The following ASS1 variants were observed in gnomAD, a reference collection of about 807,000 sequenced individuals.
ASS1 encodes the protein argininosuccinate synthase.
Under a neutral mutation model 60.5 loss-of-function variants are expected in ASS1, and 58 were observed. The ratio of observed to expected loss-of-function variants is 0.96; its 90% CI spans 0.78 to 1.19. The LOEUF (loss-of-function observed/expected upper bound fraction) is 1.19. Ranked by LOEUF, ASS1 falls within the 50% of genes most tolerant of loss-of-function variation. The probability of loss-of-function intolerance (pLI) is 0.00; values close to 1 mark genes in which losing one functional copy is unlikely to be tolerated. For synonymous variants in ASS1, 200 were observed against 206.9 expected (o/e 0.97, Z 0.29); for missense variants, 454 against 547.3 (o/e 0.83, Z 1.70).
intron 11 of ASS1, among the ~76,000 whole-genome samples, chr9:130,485,022 A>G (rs1322076220): frequency 1.3e-5 from 2 of 152,114 alleles, no homozygotes; most frequent in Non-Finnish European, 2.9e-5. Flanking sequence ...CTGGGGGCTC[A>G]GGAAGAGGAG....
chr9:130,473,846 T>A (rs1297593225), intron 8 of ASS1, among the ~76,000 whole-genome samples: 2 of 152,154 alleles, frequency 1.3e-5, no homozygotes, highest in African/African-American at 4.8e-5. Flanking sequence ...CGGTCCACAG[T>A]GAAAGAGTTC....
intron 6 of ASS1, among the ~76,000 whole-genome samples, chr9:130,469,677 G>A (rs942869329): frequency 6.6e-6 from 1 of 152,214 alleles, no homozygotes; most frequent in Non-Finnish European, 1.5e-5. Context: ...CTTGTAGGCT[G>A]TTTTAAAATG....
intron 8 of ASS1, among the ~76,000 whole-genome samples, chr9:130,472,762 A>G (rs1008415802): frequency 2.1e-4 from 32 of 152,312 alleles, no homozygotes; most frequent in African/African-American, 7.5e-4. Context: ...TTAGCCAGTC[A>G]GTCAGCTCCA....
At chr9:130,456,929 T>A (rs1215989) in intron 3 of ASS1, among the ~76,000 whole-genome samples, 144,626 of 150,532 alleles carry the variant, frequency 0.96, 69,665 homozygotes, top group East Asian at 1. Flanking sequence ...CTCAAAAAAA[T>A]AAAAATTACT....
intron 11 of ASS1, among the ~76,000 whole-genome samples, chr9:130,486,579 C>T (rs77415973): frequency 0.027 from 4,052 of 152,256 alleles, 70 homozygotes; most frequent in Middle Eastern, 0.054. Flanking sequence ...TGAGGAACTC[C>T]CGAGGGATTT....
intron 6 of ASS1, among the ~76,000 whole-genome samples, chr9:130,469,229 A>G (rs1415314868): frequency 6.6e-6 from 1 of 152,228 alleles, no homozygotes; most frequent in East Asian, 1.9e-4. Context: ...CCGGGTACCC[A>G]TGCCTGGCCA....
intron 11 of ASS1, among the ~76,000 whole-genome samples, chr9:130,482,485 T>C (rs1041463992): frequency 2.3e-4 from 35 of 151,424 alleles, no homozygotes; most frequent in Admixed American, 1.8e-3. Context: ...CACTACCAAA[T>C]GATCAGGATT....
chr9:130,452,055 C>G, intron 1 of ASS1, 169 bp from the exon 2 acceptor site: 1 of 704,324 alleles, frequency 1.4e-6, no homozygotes, highest in Non-Finnish European at 2.6e-6. Flanking sequence ...TCAGGGTTCC[C>G]GGGGGTGGCA....
chr9:130,480,821 C>CT (rs1449212077), intron 11 of ASS1, among the ~76,000 whole-genome samples: 3 of 152,158 alleles, frequency 2.0e-5, no homozygotes, highest in Admixed American at 6.5e-5. Flanking sequence ...TCATTAAGGC[C>CT]GCATGGAGGC....
At chr9:130,456,642 G>A (rs1043819452) in intron 3 of ASS1, among the ~76,000 whole-genome samples, 15 of 151,770 alleles carry the variant, frequency 9.9e-5, no homozygotes, top group Admixed American at 3.3e-4. Context: ...AGAATTTCTC[G>A]ACTCTTAAAA....
At chr9:130,452,183 C>A in intron 1 of ASS1, 41 bp from the exon 2 acceptor site, 1 of 1,564,508 alleles carries the variant, frequency 6.4e-7, no homozygotes, top group Non-Finnish European at 8.8e-7. Flanking sequence ...GGGGCACTGG[C>A]TGTCTCAGGG....
chr9:130,500,991 T>A lies in ASS1; in HGVS notation c.1209T>A (p.His403Gln), dbSNP rs1846741879. ...NINSLRLKEY[H>Q]RLQSKVTAK ...TGGTTTACAGGCTGAAGGAATATCA[T>A]CGTCTCCAGAGCAAGGTCACTGCCA... The change falls in exon 15 of 15, where the codon CAT (histidine) becomes CAA (glutamine). Residue 403 changes from histidine (H) to glutamine (Q), a missense_variant. Coordinates refer to ENST00000352480, the MANE Select transcript of ASS1 (RefSeq NM_054012.4). The A allele has an allele frequency of 1.2e-6, 2 of 1,613,812 alleles. No individual in the cohort carries two copies. Among genetic ancestry groups the A allele is most frequent in the Non-Finnish European group, 1.7e-6 (2 of 1,179,958 alleles).
chr9:130,480,273 A>G, intron 10 of ASS1, 112 bp from the exon 11 acceptor site: 2 of 1,173,100 alleles, frequency 1.7e-6, no homozygotes, highest in South Asian at 1.3e-5. Context: ...AGATCCTGAA[A>G]TGCTGCCTAA....
chr9:130,471,743 C>T (rs1439077180), intron 8 of ASS1, among the ~76,000 whole-genome samples: 1 of 152,076 alleles, frequency 6.6e-6, no homozygotes, highest in Admixed American at 6.5e-5. Context: ...CTTCTAATTG[C>T]CTCTGGGATG....
intron 1 of ASS1, among the ~76,000 whole-genome samples, chr9:130,448,288 T>C (rs10901047): frequency 0.37 from 55,964 of 151,796 alleles, 10,895 homozygotes; most frequent in Non-Finnish European, 0.43. Context: ...ATGCATACAC[T>C]GGCCCCAACA....
At chr9:130,498,814 G>A (rs1376131966) in intron 13 of ASS1, among the ~76,000 whole-genome samples, 1 of 152,216 alleles carries the variant, frequency 6.6e-6, no homozygotes, top group Non-Finnish European at 1.5e-5. Context: ...GGAAGGTTGG[G>A]AGGAGCAGCT....
rs1845832829 is a variant in ASS1 at position 130,470,129 on chromosome 9, A to G, written c.496-705A>G. 6.6e-6 allele frequency among the ~76,000 whole-genome samples: 1 copy of G among 152,038 alleles called. No homozygotes were observed. The highest frequency in any genetic ancestry group is 1.5e-5 in the Non-Finnish European group (1 of 67,984). Reference sequence around the variant, plus strand: ...CAAGCCTCATCTTCTTCCTCCTCTTAAGGCTGAGTCAGGTGGGCCTTCCAT... The same window carrying G: ...CAAGCCTCATCTTCTTCCTCCTCTTGAGGCTGAGTCAGGTGGGCCTTCCAT... On this transcript the variant is annotated intron_variant, in intron 6 of 14. Coordinates refer to ENST00000352480, the MANE Select transcript of ASS1 (RefSeq NM_054012.4). The surrounding 1 kb of genome is among the most constrained non-coding windows in gnomAD (Gnocchi z 4.3).
chr9:130,454,848 CCATT>C (rs1331345887), intron 3 of ASS1, among the ~76,000 whole-genome samples: 1 of 150,192 alleles, frequency 6.7e-6, no homozygotes, highest in Non-Finnish European at 1.5e-5. Context: ...ATCCATCCAT[CCATT>C]CATCCATTCA....
In ASS1 at chr9:130,489,502, C is replaced by A; in HGVS notation, c.970+38C>A. Reference sequence around the variant, plus strand: ...CTATGGCTGCCCCCTCTAACCGCCTCACAAGGGATCCCAAAGTACTATCAG... The same window carrying A: ...CTATGGCTGCCCCCTCTAACCGCCTAACAAGGGATCCCAAAGTACTATCAG... On this transcript the variant is annotated intron_variant, in intron 12 of 14. Coordinates refer to ENST00000352480, the MANE Select transcript of ASS1 (RefSeq NM_054012.4). The surrounding 1 kb of genome is among the most constrained non-coding windows in gnomAD (Gnocchi z 4.1). The A allele has an allele frequency of 6.2e-7, 1 of 1,613,862 alleles. No homozygotes were observed. Among genetic ancestry groups the A allele is most frequent in the Non-Finnish European group, 8.5e-7 (1 of 1,179,892 alleles).
Sources: gnomAD v4.1 joint callset for allele counts (sites outside exome capture counted in the v4.1 genomes callset) on GRCh38, gnomAD v4.1.1 for gene constraint, Gnocchi (gnomAD v3.1) non-coding constraint, MANE v1.5 for transcripts, NCBI Gene and HGNC (gene_info 2026-07-23, HGNC 2026-07-21) for gene names.